ZNF804B: variants seen among roughly 807,000 people sequenced by gnomAD.
ZNF804B encodes the protein zinc finger protein 804B, also known as zinc finger 804B.
Under a neutral mutation model 101.4 loss-of-function variants are expected in ZNF804B, and 80 were observed. That is an observed-to-expected ratio of 0.79 (90% CI 0.66 to 0.95). The LOEUF is 0.95. ZNF804B is among the 40% of genes least tolerant of loss of function. The pLI is 0.00. For missense variants in ZNF804B, 1,673 were observed against 1,561.9 expected (o/e 1.07, Z -1.20); for synonymous variants, 622 against 558.8 (o/e 1.11, Z -1.59).
At chr7:88,836,728 A>G (rs1791219961) in intron 1 of ZNF804B, among the ~76,000 whole-genome samples, 1 of 151,684 alleles carries the variant, frequency 6.6e-6, no homozygotes, top group Admixed American at 6.6e-5. Flanking sequence ...CTCTCTCTCT[A>G]TGCAATTCGC....
At chr7:88,844,873 C>T (rs895543780) in intron 1 of ZNF804B, among the ~76,000 whole-genome samples, 4 of 152,082 alleles carry the variant, frequency 2.6e-5, no homozygotes, top group African/African-American at 9.7e-5. Flanking sequence ...TTAAATAATC[C>T]TTAATTGTTG....
chr7:89,075,760 T>C (rs1297628881), intron 1 of ZNF804B, among the ~76,000 whole-genome samples: 5 of 152,112 alleles, frequency 3.3e-5, no homozygotes, highest in Non-Finnish European at 5.9e-5. Context: ...GGAAAAGCCA[T>C]AGATACTCAA....
chr7:89,001,745 G>C (rs1412099463), intron 1 of ZNF804B, among the ~76,000 whole-genome samples: 2 of 151,812 alleles, frequency 1.3e-5, no homozygotes, highest in Non-Finnish European at 2.9e-5. Context: ...TTAATACACT[G>C]TTATGTCAGA....
chr7:89,229,396 C>T (rs1277643861), intron 2 of ZNF804B, among the ~76,000 whole-genome samples: 1 of 152,198 alleles, frequency 6.6e-6, no homozygotes, highest in African/African-American at 2.4e-5. Context: ...ACCGTGAATA[C>T]TAGCTGGAAG....
intron 1 of ZNF804B, among the ~76,000 whole-genome samples, chr7:89,040,058 A>G (rs951061565): frequency 5.9e-5 from 9 of 151,918 alleles, no homozygotes; most frequent in African/African-American, 1.7e-4. Context: ...TTATTTATTC[A>G]AATATACTTT....
At chr7:89,218,861 A>G (rs1430873624) in intron 2 of ZNF804B, among the ~76,000 whole-genome samples, 1 of 152,110 alleles carries the variant, frequency 6.6e-6, no homozygotes, top group Non-Finnish European at 1.5e-5. Flanking sequence ...AAAGGTCTTC[A>G]TCTTCATTGT....
intron 1 of ZNF804B, among the ~76,000 whole-genome samples, chr7:88,798,385 A>T (rs1790524311): frequency 6.6e-6 from 1 of 152,126 alleles, no homozygotes; most frequent in Non-Finnish European, 1.5e-5. Flanking sequence ...ATAATATCTT[A>T]ACAAAGCCTA....
chr7:88,935,189 A>G (rs1792948424), intron 1 of ZNF804B, among the ~76,000 whole-genome samples: 1 of 151,774 alleles, frequency 6.6e-6, no homozygotes, highest in Non-Finnish European at 1.5e-5. Flanking sequence ...GGAAAACCAA[A>G]TATCATATGT....
chr7:89,092,254 A>G (rs1290749140), intron 1 of ZNF804B, among the ~76,000 whole-genome samples: 1 of 151,690 alleles, frequency 6.6e-6, no homozygotes, highest in Non-Finnish European at 1.5e-5. Flanking sequence ...TTCATTACTA[A>G]TCACCTCCCA....
intron 1 of ZNF804B, among the ~76,000 whole-genome samples, chr7:88,842,517 C>T (rs1791304365): frequency 6.6e-6 from 1 of 152,170 alleles, no homozygotes; most frequent in Non-Finnish European, 1.5e-5. Flanking sequence ...AACACTGTGC[C>T]TTTAATTACA....
chr7:89,278,453 A>C (rs979694727), intron 2 of ZNF804B, among the ~76,000 whole-genome samples: 4 of 150,444 alleles, frequency 2.7e-5, no homozygotes, highest in Admixed American at 6.6e-5. Flanking sequence ...GGTAATGCCT[A>C]GGTTTTCTTC....
chr7:88,894,214 A>T (rs1323407987), intron 1 of ZNF804B, among the ~76,000 whole-genome samples: 1 of 151,132 alleles, frequency 6.6e-6, no homozygotes, highest in Non-Finnish European at 1.5e-5. Flanking sequence ...AAACTATGCA[A>T]TCCCTTTTTT....
chr7:89,051,616 C>CAT (rs1422360112), intron 1 of ZNF804B, among the ~76,000 whole-genome samples: 2 of 152,134 alleles, frequency 1.3e-5, no homozygotes, highest in South Asian at 4.1e-4. Context: ...AACATCTTTT[C>CAT]ATATACTAAG....
intron 1 of ZNF804B, among the ~76,000 whole-genome samples, chr7:89,176,210 G>C (rs1437351609): frequency 6.6e-6 from 1 of 151,718 alleles, no homozygotes; most frequent in African/African-American, 2.4e-5. Context: ...ATGGGTGTAT[G>C]GTCTGTATAT....
rs142471137 is a variant in ZNF804B at position 88,925,244 on chromosome 7, T to G, written c.108+165160T>G. Among the ~76,000 whole-genome samples, 170 of 152,210 alleles carry G rather than the reference T, an allele frequency of 1.1e-3. 1 individual carries two copies. The highest frequency in any genetic ancestry group is 2.2e-3 in the Admixed American group (34 of 15,274). On this transcript the variant is annotated intron_variant, in intron 1 of 3. Transcript: ENST00000333190. ...TTTACACATCTCTTACTCTTAACAC[T>G]TACACACTCCAATCTCAGGCCCTGT...
intron 1 of ZNF804B, among the ~76,000 whole-genome samples, chr7:88,784,398 A>G (rs567370408): frequency 2.6e-5 from 4 of 152,272 alleles, no homozygotes; most frequent in African/African-American, 9.6e-5. Flanking sequence ...AGCTGTGTAC[A>G]TAGTCACTCG....
At chr7:89,022,744 T>C (rs1788686856) in intron 1 of ZNF804B, among the ~76,000 whole-genome samples, 3 of 152,160 alleles carry the variant, frequency 2.0e-5, no homozygotes, top group African/African-American at 7.2e-5. Context: ...ACCTTTTGCT[T>C]ATCGATGAAA....
chr7:88,979,293 T>C (rs970989090), intron 1 of ZNF804B, among the ~76,000 whole-genome samples: 1 of 152,026 alleles, frequency 6.6e-6, no homozygotes, highest in Non-Finnish European at 1.5e-5. Context: ...CTTCAGATGA[T>C]TTCTTTTTGC....
intron 1 of ZNF804B, among the ~76,000 whole-genome samples, chr7:88,854,125 A>T (rs6948563): frequency 0.028 from 4,285 of 152,252 alleles, 214 homozygotes; most frequent in African/African-American, 0.097. Flanking sequence ...TATCAACATA[A>T]TAATAATAGC....
Sources: allele counts gnomAD v4.1 joint callset (sites outside exome capture counted in the v4.1 genomes callset), GRCh38; gene constraint gnomAD v4.1.1; transcripts MANE v1.5; gene names NCBI Gene and HGNC (gene_info 2026-07-23, HGNC 2026-07-21).